ELOA: variants seen among roughly 807,000 people sequenced by gnomAD.
The protein encoded by ELOA is elongin-A.
Under a neutral mutation model 85.2 loss-of-function variants are expected in ELOA, and 15 were observed. The observed-to-expected ratio is 0.18, with a 90% CI of 0.12 to 0.27. ELOA has a LOEUF of 0.27. Ranked by LOEUF, ELOA falls within the 10% of genes least tolerant of loss-of-function variation. ELOA has a pLI of 1.00. For missense variants in ELOA, 769 were observed against 952.7 expected (o/e 0.81, Z 2.54); for synonymous variants, 348 against 357.2 (o/e 0.97, Z 0.29).
chr1:23,753,833 A>G (rs946713358), intron 5 of ELOA, among the ~76,000 whole-genome samples: 2 of 152,112 alleles, frequency 1.3e-5, no homozygotes, highest in Admixed American at 6.5e-5. Flanking sequence ...GGTTCAAGCA[A>G]TTCCTCTGCC....
intron 5 of ELOA, among the ~76,000 whole-genome samples, chr1:23,752,766 A>T (rs1168665228): frequency 1.3e-5 from 2 of 152,110 alleles, no homozygotes; most frequent in African/African-American, 4.8e-5. Context: ...AACATGGTGA[A>T]ACCCTGTCTC....
intron 7 of ELOA, 110 bp downstream of exon 7, chr1:23,754,570 C>G (rs1370143447): frequency 2.3e-6 from 2 of 862,186 alleles, no homozygotes; most frequent in East Asian, 5.0e-5. Flanking sequence ...GTGGTCAGAG[C>G]ATTGTTCTGG....
At chr1:23,746,302 C>CA (rs1217017502) in intron 1 of ELOA, among the ~76,000 whole-genome samples, 29 of 108,958 alleles carry the variant, frequency 2.7e-4, no homozygotes, top group African/African-American at 8.7e-4. Flanking sequence ...AAAAAAAAAA[C>CA]AAAAAAAACA....
chr1:23,755,822 A>T, intron 7 of ELOA, 21 bp from the exon 8 acceptor site: 4 of 1,572,498 alleles, frequency 2.5e-6, no homozygotes, highest in Non-Finnish European at 3.4e-6. Context: ...TACACAAATG[A>T]TGTCCTGGTT....
chr1:23,744,759 G>C (rs971688617), intron 1 of ELOA, among the ~76,000 whole-genome samples: 6 of 152,166 alleles, frequency 3.9e-5, no homozygotes, highest in African/African-American at 1.2e-4. Flanking sequence ...CATTCTGGCC[G>C]GGGCGGGCAG....
At chr1:23,743,864 C>T (rs1447677260) in intron 1 of ELOA, among the ~76,000 whole-genome samples, 1 of 152,164 alleles carries the variant, frequency 6.6e-6, no homozygotes, top group Non-Finnish European at 1.5e-5. Flanking sequence ...AGAGGCGCTC[C>T]GTGGCGTCCC....
rs1213662251 is a variant in ELOA, at chr1:23,760,700, T to A, written c.*1127T>A. 6.6e-6 allele frequency: 1 copy of A among 152,158 alleles called. No homozygotes were observed. The highest frequency in any genetic ancestry group is 2.4e-5 in the African/African-American group (1 of 41,420). The allele number at this position is 152,158 out of a possible 1,614,324, so 9.4% of individuals were successfully genotyped here. ...TGGGAAGAGGACTTTGCTGCTGAAGTGTTTTCTACCTTCTGAGTGTGTTTA... is the reference window on the plus strand; with the variant it reads ...TGGGAAGAGGACTTTGCTGCTGAAGAGTTTTCTACCTTCTGAGTGTGTTTA... On this transcript the variant is annotated 3_prime_UTR_variant, in exon 11 of 11. Transcript: ENST00000613537.
Position 23,756,007 on chromosome 1 carries a change from T to A in ELOA, c.1956T>A (p.His652Gln). ...RVLTKNIQFAHANKPKGRQAK... is the reference protein window; with the variant it reads ...RVLTKNIQFAQANKPKGRQAK... The stretch of plus-strand genomic sequence containing the variant: ...TAACAAAGAATATCCAGTTCGCACA[T>A]GCCAATAAGCCCAAAGGTAACAGAG... Residue 652 changes from histidine to glutamine, a missense_variant, in exon 8 of 11, where the codon CAT becomes CAA. Physicochemically the swap from His to Gln is conservative, Grantham distance 24. Coordinates refer to ENST00000613537, the MANE Select transcript of ELOA (RefSeq NM_003198.3). The A allele has an allele frequency of 3.1e-6, 5 of 1,612,856 alleles. No homozygotes were observed. Among genetic ancestry groups the A allele is most frequent in the Non-Finnish European group, 4.2e-6 (5 of 1,179,694 alleles).
At chr1:23,756,179 T>C (rs1216188731) in intron 8 of ELOA, 95 bp from the exon 9 acceptor site, 1 of 1,425,886 alleles carries the variant, frequency 7.0e-7, no homozygotes, top group Non-Finnish European at 9.4e-7. Flanking sequence ...ACCCTACAAG[T>C]GGGGTTTCAG....
intron 1 of ELOA, among the ~76,000 whole-genome samples, chr1:23,746,711 T>G (rs750167416): frequency 9.9e-5 from 15 of 152,198 alleles, no homozygotes; most frequent in Non-Finnish European, 1.9e-4. Flanking sequence ...AAAATATTTT[T>G]TGCTTTTTTG....
chr1:23,755,709 G>C, intron 7 of ELOA, 134 bp from the exon 8 acceptor site: 1 of 722,338 alleles, frequency 1.4e-6, no homozygotes, highest in African/African-American at 1.8e-5. Context: ...GAACCCAGGA[G>C]GCAAGGGTTG....
chr1:23,743,547 C>G lies in ELOA; in HGVS notation c.44C>G (p.Ala15Gly). 6 of 1,496,504 alleles carry G rather than the reference C, an allele frequency of 4.0e-6. No homozygotes were observed. The highest frequency in any genetic ancestry group is 5.3e-6 in the Non-Finnish European group (6 of 1,128,134). 92.7% of individuals were successfully genotyped at this position (1,496,504 alleles called of 1,614,324 possible). The change falls in exon 1 of 11, where the codon GCG becomes GGG. Residue 15 changes from alanine to glycine, a missense_variant. Transcript: ENST00000613537. Reference protein sequence around the residue: ...SALQVVEKLQARLAANPDPKK... With the variant: ...SALQVVEKLQGRLAANPDPKK... ...CTCCAAGTTGTGGAGAAGCTGCAGGCGCGCCTGGCCGCGAACCCGGACCCT... is the reference window on the plus strand; with the variant it reads ...CTCCAAGTTGTGGAGAAGCTGCAGGGGCGCCTGGCCGCGAACCCGGACCCT...
chr1:23,746,010 C>G (rs576010279), intron 1 of ELOA, among the ~76,000 whole-genome samples: 1 of 152,130 alleles, frequency 6.6e-6, no homozygotes, highest in African/African-American at 2.4e-5. Context: ...GTCCTTAGGC[C>G]GAGTGCAGTG....
At chr1:23,744,203 T>C (rs925860829) in intron 1 of ELOA, 2 of 152,212 alleles carry the variant, frequency 1.3e-5, no homozygotes, top group African/African-American at 4.8e-5. Flanking sequence ...TAGGTTGGAA[T>C]TGAAAAAGAG....
At chr1:23,744,236 C>T (rs1644736701) in intron 1 of ELOA, 1 of 152,236 alleles carries the variant, frequency 6.6e-6, no homozygotes, top group Non-Finnish European at 1.5e-5. Context: ...GGTTGGAAGT[C>T]GCAGCTAGGT....
intron 1 of ELOA, chr1:23,744,274 A>G (rs1644736913): frequency 6.6e-6 from 1 of 152,234 alleles, no homozygotes; most frequent in East Asian, 1.9e-4. Flanking sequence ...TAGGAAGGTA[A>G]GAGCTACCGT....
At chr1:23,752,758 C>T (rs1644777340) in intron 5 of ELOA, among the ~76,000 whole-genome samples, 1 of 152,060 alleles carries the variant, frequency 6.6e-6, no homozygotes, top group African/African-American at 2.4e-5. Context: ...GCCTGGCCAA[C>T]ATGGTGAAAC....
intron 10 of ELOA, among the ~76,000 whole-genome samples, chr1:23,758,225 TTATATC>T (rs1352720688): frequency 3.3e-5 from 5 of 149,810 alleles, no homozygotes; most frequent in Admixed American, 3.3e-4. Flanking sequence ...TATTTATTCT[TTATATC>T]TAATTGGGTC....
At position 23,754,258 on chromosome 1, in the gene ELOA, A is replaced by G. The variant is rs764398123; in HGVS notation, c.1693+3A>G. 10 of 1,614,094 alleles carry G rather than the reference A, an allele frequency of 6.2e-6. No individual in the cohort carries two copies. Among genetic ancestry groups the G allele is most frequent in the Non-Finnish European group, 8.5e-6 (10 of 1,180,046 alleles). The stretch of plus-strand genomic sequence containing the variant: ...AGTACTTAAAAACAACATCGATTGT[A>G]AGTCACACGCTTCTCTCTAGCTCTC... On this transcript the variant is annotated splice_donor_region_variant and intron_variant, in intron 6 of 10. Transcript: ENST00000613537.
Sources: gnomAD v4.1 joint callset for allele counts (sites outside exome capture counted in the v4.1 genomes callset) on GRCh38, gnomAD v4.1.1 for gene constraint, MANE v1.5 for transcripts, NCBI Gene and HGNC (gene_info 2026-07-23, HGNC 2026-07-21) for gene names.